STPG2: variants seen among roughly 807,000 people sequenced by gnomAD.
STPG2 encodes the protein sperm-tail PG-rich repeat-containing protein 2.
In STPG2, 56 loss-of-function variants were observed where a neutral mutation model predicts 54.2. The observed-to-expected ratio is 1.03, with a 90% CI of 0.83 to 1.29. The LOEUF (loss-of-function observed/expected upper bound fraction) is 1.29, where lower values mean the gene tolerates loss of function less well. Among genes scored for constraint, STPG2 ranks in the 50% most tolerant of loss-of-function variants. The pLI, the probability that STPG2 is intolerant of heterozygous loss-of-function variation, is 0.00. For missense variants in STPG2, 596 were observed against 544.9 expected, an observed-to-expected ratio of 1.09 and a Z score of -0.93; for synonymous variants, 200 against 181.8, an observed-to-expected ratio of 1.10 and a Z score of -0.81.
chr4:97,895,622 G>A (rs1409580862), intron 8 of STPG2, among the ~76,000 whole-genome samples: 1 of 151,620 alleles, frequency 6.6e-6, no homozygotes, highest in East Asian at 1.9e-4. Flanking sequence ...GATTTTACAT[G>A]CTGGCATAAG....
At chr4:98,080,362 A>T (rs1264699645) in intron 5 of STPG2, among the ~76,000 whole-genome samples, 1 of 152,080 alleles carries the variant, frequency 6.6e-6, no homozygotes, top group African/African-American at 2.4e-5. Context: ...CCAAGGAGCT[A>T]GGACTACAGG....
intron 4 of STPG2, among the ~76,000 whole-genome samples, chr4:98,106,628 T>C (rs748586111): frequency 6.6e-6 from 1 of 152,178 alleles, no homozygotes; most frequent in African/African-American, 2.4e-5. Context: ...TGCTACCTAT[T>C]GGTTATATAA....
intron 4 of STPG2, among the ~76,000 whole-genome samples, chr4:97,457,901 A>C (rs1729568522): frequency 6.6e-6 from 1 of 152,252 alleles, no homozygotes; most frequent in African/African-American, 2.4e-5. Flanking sequence ...AAGAGGTGGC[A>C]GTGATGAAAG....
intron 9 of STPG2, among the ~76,000 whole-genome samples, chr4:97,790,029 A>C (rs189872781): frequency 4.7e-4 from 71 of 151,924 alleles, no homozygotes; most frequent in Non-Finnish European, 1.8e-4. Context: ...TTTAAACAAC[A>C]AAAAAAAATT....
chr4:98,038,351 T>C (rs947986505), intron 5 of STPG2, among the ~76,000 whole-genome samples: 1 of 152,162 alleles, frequency 6.6e-6, no homozygotes, highest in African/African-American at 2.4e-5. Flanking sequence ...TAGTGTGGTA[T>C]TGGTTTGAGA....
intron 10 of STPG2, among the ~76,000 whole-genome samples, chr4:97,600,859 C>T: frequency 6.6e-6 from 1 of 151,972 alleles, no homozygotes; most frequent in East Asian, 1.9e-4. Context: ...ATCTGAATTT[C>T]CAGGACTGAC....
intron 3 of STPG2, among the ~76,000 whole-genome samples, chr4:98,121,692 C>A (rs1311664179): frequency 1.4e-5 from 2 of 147,276 alleles, no homozygotes; most frequent in African/African-American, 2.5e-5. Context: ...CTCTGCTTGT[C>A]TCTTGTTGGT....
intron 5 of STPG2, among the ~76,000 whole-genome samples, chr4:97,995,525 T>C (rs1379580294): frequency 1.3e-5 from 2 of 151,778 alleles, no homozygotes; most frequent in Admixed American, 6.6e-5. Context: ...GATAAATTGA[T>C]AGGAAACTAA....
intron 9 of STPG2, among the ~76,000 whole-genome samples, chr4:97,755,784 T>A (rs1725709680): frequency 6.6e-6 from 1 of 152,228 alleles, no homozygotes; most frequent in African/African-American, 2.4e-5. Context: ...ATGAAAGATG[T>A]GCAAAATTCA....
At chr4:97,544,220 C>G (rs762818845) in intron 4 of STPG2, among the ~76,000 whole-genome samples, 70 of 152,154 alleles carry the variant, frequency 4.6e-4, no homozygotes, top group Admixed American at 7.2e-4. Context: ...TGCATGATCT[C>G]AAAGTTAATG....
chr4:97,887,774 T>G (rs1730632223), intron 8 of STPG2, among the ~76,000 whole-genome samples: 1 of 152,096 alleles, frequency 6.6e-6, no homozygotes, highest in Non-Finnish European at 1.5e-5. Flanking sequence ...AAATAAGACT[T>G]CTAAGGAATT....
intron 9 of STPG2, among the ~76,000 whole-genome samples, chr4:97,729,257 A>G (rs1255722714): frequency 6.6e-6 from 1 of 152,100 alleles, no homozygotes; most frequent in East Asian, 1.9e-4. Context: ...ACTTTAGGGA[A>G]GAATATATGA....
rs566089167 is a variant in STPG2, at chr4:98,026,040, A to C, written c.613-44722T>G. On this transcript the variant is annotated intron_variant, in intron 5 of 10. Transcript: ENST00000295268. ...ATGTAAGATGAAGATAATTACAAGA[A>C]ACAGTTCTCTCAATACATAAAGAAC... 31 of 1,063,734 alleles carry C rather than the reference A, an allele frequency of 2.9e-5. No homozygotes were observed. The East Asian group carries it at 6.6e-4, about 23-fold the overall frequency. The allele number at this position is 1,063,734 out of a possible 1,614,324, so 65.9% of individuals were successfully genotyped here.
In STPG2 at chr4:97,965,425, A is replaced by C. The variant is rs998589590; in HGVS notation, c.933+6855T>G. ...TTTGGTGGGCAGGGCATAGTGAAAC[A>C]AAAGGCAGCAGACAGCTTCTGCAGA... On this transcript the variant is annotated intron_variant, in intron 7 of 10. Transcript: ENST00000295268. Among the ~76,000 whole-genome samples, 4 of 152,326 alleles carry C rather than the reference A, an allele frequency of 2.6e-5. No homozygotes were observed. The South Asian group carries it at 8.3e-4, about 32-fold the overall frequency.
At chr4:97,730,509 G>C (rs1208521299) in intron 9 of STPG2, among the ~76,000 whole-genome samples, 1 of 152,132 alleles carries the variant, frequency 6.6e-6, no homozygotes, top group Non-Finnish European at 1.5e-5. Context: ...TTTCCTTTGA[G>C]TAAATACCCA....
intron 8 of STPG2, among the ~76,000 whole-genome samples, chr4:97,942,026 C>A (rs1232774989): frequency 6.6e-6 from 1 of 151,668 alleles, no homozygotes; most frequent in Non-Finnish European, 1.5e-5. Flanking sequence ...TAAATTAAGT[C>A]AAAAATATTG....
intron 9 of STPG2, among the ~76,000 whole-genome samples, chr4:97,714,037 G>C (rs926463682): frequency 1.3e-5 from 2 of 152,044 alleles, no homozygotes; most frequent in African/African-American, 2.4e-5. Context: ...GGGGGCATCA[G>C]AGAGGCAATG....
At chr4:97,837,408 T>C (rs2149118415) in intron 9 of STPG2, among the ~76,000 whole-genome samples, 2 of 151,842 alleles carry the variant, frequency 1.3e-5, no homozygotes, top group South Asian at 4.1e-4. Context: ...AGCATACCCC[T>C]GCCCCCAACC....
intron 6 of STPG2, 101 bp from the exon 7 acceptor site, chr4:97,972,541 A>T (rs958460649): frequency 6.0e-6 from 4 of 662,620 alleles, no homozygotes; most frequent in Non-Finnish European, 9.0e-6. Flanking sequence ...TAAATAAAAA[A>T]CCCTCACATA....
Sources: allele counts gnomAD v4.1 joint callset (sites outside exome capture counted in the v4.1 genomes callset), GRCh38; gene constraint gnomAD v4.1.1; transcripts MANE v1.5; gene names NCBI Gene and HGNC (gene_info 2026-07-23, HGNC 2026-07-21).